Variants in DPY19L3 observed in about 807,000 individuals in gnomAD.
DPY19L3 encodes protein C-mannosyl-transferase DPY19L3.
A neutral mutation model predicts 92.3 loss-of-function variants in DPY19L3; 51 were observed. The observed-to-expected ratio is 0.55, with a 90% CI of 0.44 to 0.70. DPY19L3 has a LOEUF of 0.70. Ranked by LOEUF, DPY19L3 falls within the 30% of genes least tolerant of loss-of-function variation. The pLI, the probability that DPY19L3 is intolerant of heterozygous loss-of-function variation, is 0.00. For synonymous variants in DPY19L3, 309 were observed against 315.2 expected (o/e 0.98, Z 0.21); for missense variants, 706 against 855.9 (o/e 0.82, Z 2.18).
In DPY19L3 at chr19:32,463,423, A is replaced by G. The variant is rs558090752; in HGVS notation, c.1380A>G (p.Lys460=). The G allele has an allele frequency of 8.1e-6, 13 of 1,613,920 alleles. No homozygotes were observed. In the African/African-American group the frequency reaches 1.6e-4, roughly 20 times the overall value. ...GKMEKGTVDL[K]PETAYNLIHT... ...TGGAAAAAGGCACAGTTGACCTGAA[A>G]CCAGAAACTGCCTACAACTTAATAC... The change falls in exon 13 of 19, where the codon AAA becomes AAG. Residue 460 remains lysine, a synonymous_variant. Transcript: ENST00000392250.
chr19:32,455,716 G>A (rs1177798603), intron 10 of DPY19L3, among the ~76,000 whole-genome samples: 3 of 152,176 alleles, frequency 2.0e-5, no homozygotes, highest in East Asian at 1.9e-4. Context: ...ATTTGGTAAC[G>A]TAGGCATCCA....
chr19:32,468,535 T>C, intron 15 of DPY19L3, 196 bp from the exon 16 acceptor site: 1 of 1,233,582 alleles, frequency 8.1e-7, no homozygotes, highest in Non-Finnish European at 1.0e-6. Context: ...CTGAAGATAA[T>C]TTCAGAAACT....
At chr19:32,428,871 G>A (rs1045542959) in intron 3 of DPY19L3, among the ~76,000 whole-genome samples, 23 of 149,944 alleles carry the variant, frequency 1.5e-4, no homozygotes, top group Admixed American at 9.3e-4. Context: ...GTTTTGAGAC[G>A]GAGTCTCACT....
intron 16 of DPY19L3, among the ~76,000 whole-genome samples, chr19:32,469,355 G>T (rs761914729): frequency 6.6e-6 from 1 of 151,962 alleles, no homozygotes; most frequent in African/African-American, 2.4e-5. Flanking sequence ...ACAAAAATTA[G>T]CCAGGCATGG....
At chr19:32,470,781 C>CTTTTTTTTTTTTTTT (rs71336911) in intron 16 of DPY19L3, among the ~76,000 whole-genome samples, 7 of 91,212 alleles carry the variant, frequency 7.7e-5, no homozygotes, top group East Asian at 3.7e-4. Context: ...ATTCCTTTGG[C>CTTTTTTTTTTTTTTT]TTTTTTTTTT....
intron 8 of DPY19L3, among the ~76,000 whole-genome samples, chr19:32,448,662 T>C (rs951411566): frequency 2.0e-5 from 3 of 152,172 alleles, no homozygotes; most frequent in African/African-American, 7.2e-5. Context: ...TTCATCCTCA[T>C]CTTCACATTG....
intron 3 of DPY19L3, among the ~76,000 whole-genome samples, chr19:32,420,548 G>A (rs994652876): frequency 2.0e-5 from 3 of 152,082 alleles, no homozygotes; most frequent in Non-Finnish European, 4.4e-5. Flanking sequence ...GAGTTCAAGC[G>A]ATTCTCCTGC....
intron 15 of DPY19L3, chr19:32,468,260 C>T (rs1970254713): frequency 2.0e-6 from 2 of 975,782 alleles, no homozygotes; most frequent in African/African-American, 3.5e-5. Flanking sequence ...GAGGATAAAA[C>T]AAGGCCGTAT....
At chr19:32,406,035 G>A (rs1048460742) in intron 1 of DPY19L3, 126 bp downstream of exon 1, 2 of 151,038 alleles carry the variant, frequency 1.3e-5, no homozygotes, top group African/African-American at 4.8e-5. Context: ...GGCGCAGTCG[G>A]GGGGCGCGGC....
chr19:32,473,197 T>G (rs1279509323), intron 16 of DPY19L3, among the ~76,000 whole-genome samples: 1 of 152,212 alleles, frequency 6.6e-6, no homozygotes, highest in East Asian at 1.9e-4. Flanking sequence ...TGTAAATCCA[T>G]TTGACCTGTG....
chr19:32,418,004 G>A (rs1355611429), intron 3 of DPY19L3, among the ~76,000 whole-genome samples: 4 of 152,102 alleles, frequency 2.6e-5, no homozygotes, highest in Non-Finnish European at 4.4e-5. Flanking sequence ...CAGGAGTTCC[G>A]TCTGTGTTGG....
intron 16 of DPY19L3, among the ~76,000 whole-genome samples, chr19:32,473,941 T>C (rs1267119523): frequency 6.6e-6 from 1 of 152,174 alleles, no homozygotes; most frequent in Non-Finnish European, 1.5e-5. Flanking sequence ...GTAGTGGGAC[T>C]ACAGGCAGGC....
chr19:32,477,384 A>G, intron 16 of DPY19L3, 138 bp from the exon 17 acceptor site: 3 of 1,159,596 alleles, frequency 2.6e-6, no homozygotes, highest in South Asian at 3.2e-5. Context: ...AAACCGAAGC[A>G]AACTCCCGTT....
At chr19:32,425,684 A>T (rs1426058784) in intron 3 of DPY19L3, among the ~76,000 whole-genome samples, 1 of 152,226 alleles carries the variant, frequency 6.6e-6, no homozygotes, top group Non-Finnish European at 1.5e-5. Context: ...GAGCAGTAGT[A>T]TTTTGAAAAG....
Position 32,482,084 on chromosome 19 carries a change from G to A in DPY19L3, c.1995G>A (p.Met665Ile). 1.2e-6 allele frequency: 2 copies of A among 1,606,812 alleles called. No homozygotes were observed. The highest frequency in any genetic ancestry group is 1.1e-5 in the South Asian group (1 of 89,248). Residue 665 changes from methionine to isoleucine, a missense_variant, in exon 19 of 19, where the codon ATG (methionine) becomes ATA (isoleucine). Transcript: ENST00000392250. ...DLLDIANGHM[M>I]DGPGENDPDL... ...TGGGTTTGTTTTGGTTTTAGATGAT[G>A]GATGGCCCAGGAGAGAATGATCCTG...
rs527395129 is a variant in DPY19L3 at position 32,442,777 on chromosome 19, A to G, written c.855+2867A>G. On this transcript the variant is annotated intron_variant, in intron 8 of 18. Coordinates refer to ENST00000392250, the MANE Select transcript of DPY19L3 (RefSeq NM_001172774.2). ...AACTGCCTTATTCTAGCGAAATGCT[A>G]CAGAAGCAAAACCACAGCTCCACTC... 1.8e-4 allele frequency among the ~76,000 whole-genome samples: 27 copies of G among 152,340 alleles called. 1 individual carries two copies. The highest frequency in any genetic ancestry group is 5.3e-4 in the African/African-American group (22 of 41,576).
At chr19:32,462,607 G>A (rs529030883) in intron 12 of DPY19L3, among the ~76,000 whole-genome samples, 48 of 152,210 alleles carry the variant, frequency 3.2e-4, no homozygotes, top group African/African-American at 1.1e-3. Context: ...GCCACACCTG[G>A]GAGACGGGAA....
chr19:32,445,928 G>A (rs1969484265), intron 8 of DPY19L3, among the ~76,000 whole-genome samples: 1 of 152,128 alleles, frequency 6.6e-6, no homozygotes. Flanking sequence ...TTTGAACCTA[G>A]GAGGCGGAGG....
rs760553424 is a variant in DPY19L3, at chr19:32,439,845, A to G, written c.790A>G (p.Met264Val). Reference sequence around the variant, plus strand: ...TCTGACATGGCAATTTAATCAATTTATGATGCTGATGCAAGCATTAGTGCT... The same window carrying G: ...TCTGACATGGCAATTTAATCAATTTGTGATGCTGATGCAAGCATTAGTGCT... The part of the protein sequence containing the change: ...FSLTWQFNQF[M>V]MLMQALVLFT... Residue 264 changes from methionine to valine, a missense_variant, in exon 8 of 19, where the codon ATG becomes GTG. Physicochemically the swap from Met to Val is conservative, Grantham distance 21 (BLOSUM62 1). Coordinates refer to ENST00000392250, the MANE Select transcript of DPY19L3 (RefSeq NM_001172774.2). 3.7e-6 allele frequency: 6 copies of G among 1,613,830 alleles called. No homozygotes were observed. The highest frequency in any genetic ancestry group is 1.7e-5 in the Admixed American group (1 of 59,990).
Sources: gnomAD v4.1 joint callset for allele counts (sites outside exome capture counted in the v4.1 genomes callset) on GRCh38, gnomAD v4.1.1 for gene constraint, MANE v1.5 for transcripts, NCBI Gene and HGNC (gene_info 2026-07-23, HGNC 2026-07-21) for gene names.